Variants in KLF12 observed in about 807,000 individuals in gnomAD.
KLF12 encodes KLF transcription factor 12, also known as Krueppel-like factor 12.
In KLF12, 9 loss-of-function variants were observed where a neutral mutation model predicts 37.8. The observed-to-expected ratio is 0.24, with a 90% CI of 0.14 to 0.42. The LOEUF (loss-of-function observed/expected upper bound fraction) is 0.42, where lower values mean the gene tolerates loss of function less well. Among genes scored for constraint, KLF12 ranks in the 10% least tolerant of loss-of-function variants. The pLI, the probability that KLF12 is intolerant of heterozygous loss-of-function variation, is 1.00. For synonymous variants in KLF12, 208 were observed against 202.1 expected (o/e 1.03, Z -0.25); for missense variants, 411 against 516.0 (o/e 0.80, Z 1.97).
the KLF12 span, among the ~76,000 whole-genome samples, chr13:74,186,845 C>T: frequency 1.2e-3 from 184 of 152,218 alleles, no homozygotes; most frequent in African/African-American, 4.4e-3. Context: ...GAAACTGAGG[C>T]ATGGGAGGTG....
chr13:74,007,348 T>C (rs1892436200), intron 1 of KLF12, among the ~76,000 whole-genome samples: 1 of 151,772 alleles, frequency 6.6e-6, no homozygotes. Context: ...CGATCTCGGC[T>C]CACTGCAAGC....
the KLF12 span, among the ~76,000 whole-genome samples, chr13:74,275,571 CATAA>C: frequency 6.6e-6 from 1 of 152,108 alleles, no homozygotes; most frequent in Non-Finnish European, 1.5e-5. Context: ...ATTTTTCTTG[CATAA>C]ATACAGTATG....
rs961087593 is a variant in KLF12 at position 73,846,312 on chromosome 13, T to C, written c.185A>G (p.Lys62Arg). 1.2e-6 allele frequency: 2 copies of C among 1,613,992 alleles called. No homozygotes were observed. The highest frequency in any genetic ancestry group is 1.7e-6 in the Non-Finnish European group (2 of 1,179,956). ...TAACGAGTCCTCCGGGGGCTCCCCT[T>C]TCACATTATTTAGCAACAGGGGAAC... Residue 62 changes from lysine (K) to arginine (R), a missense_variant, in exon 4 of 8, where the codon AAA (lysine) becomes AGA (arginine). This residue lies in a region of KLF12 where 351 missense variants were observed against 397.8 expected (regional missense o/e 0.88). Coordinates refer to ENST00000377669, the MANE Select transcript of KLF12 (RefSeq NM_007249.5).
the KLF12 span, among the ~76,000 whole-genome samples, chr13:74,185,761 C>A: frequency 1.8e-4 from 28 of 152,118 alleles, no homozygotes; most frequent in Admixed American, 1.7e-3. Flanking sequence ...ATTCTCCTGC[C>A]TCAGCCTCCC....
chr13:74,234,784 C>G, the KLF12 span, among the ~76,000 whole-genome samples: 3 of 151,360 alleles, frequency 2.0e-5, no homozygotes, highest in African/African-American at 7.3e-5. Context: ...TTCCAAATCT[C>G]TTTTGCCTGC....
intron 3 of KLF12, among the ~76,000 whole-genome samples, chr13:73,925,074 T>C (rs1251665041): frequency 6.6e-6 from 1 of 152,210 alleles, no homozygotes; most frequent in Non-Finnish European, 1.5e-5. Flanking sequence ...TGTAACATAA[T>C]AATACAAGAT....
the KLF12 span, among the ~76,000 whole-genome samples, chr13:74,271,303 A>G: frequency 1.3e-5 from 2 of 152,222 alleles, no homozygotes; most frequent in Non-Finnish European, 2.9e-5. Context: ...TGCAATCAAC[A>G]TAAAGCTTAA....
chr13:73,849,376 A>C (rs4601931), intron 3 of KLF12, among the ~76,000 whole-genome samples: 2,202 of 24,270 alleles, frequency 0.091, 358 homozygotes, highest in Non-Finnish European at 0.16. Flanking sequence ...GAGACTCCAT[A>C]AAAAAAAAAA....
At chr13:74,237,406 G>T in the KLF12 span, among the ~76,000 whole-genome samples, 2 of 143,568 alleles carry the variant, frequency 1.4e-5, no homozygotes, top group Non-Finnish European at 3.0e-5. Context: ...TTTGGCTCAG[G>T]ATTGATTTGG....
chr13:73,916,048 C>A (rs1304437038), intron 3 of KLF12, among the ~76,000 whole-genome samples: 1 of 151,986 alleles, frequency 6.6e-6, no homozygotes, highest in African/African-American at 2.4e-5. Flanking sequence ...TCCTCTCATG[C>A]CAAAAACATG....
At chr13:73,800,818 C>T (rs1217179845) in intron 5 of KLF12, 1 of 152,040 alleles carries the variant, frequency 6.6e-6, no homozygotes, top group Non-Finnish European at 1.5e-5. Context: ...AAACTAAACA[C>T]TGGCAGGATT....
intron 6 of KLF12, among the ~76,000 whole-genome samples, chr13:73,739,270 A>ATAG (rs1877778092): frequency 8.4e-6 from 1 of 119,394 alleles, no homozygotes. Flanking sequence ...AATAATAATA[A>ATAG]TAATAAATGT....
At chr13:74,149,998 A>T in the KLF12 span, among the ~76,000 whole-genome samples, 1 of 152,202 alleles carries the variant, frequency 6.6e-6, no homozygotes, top group Non-Finnish European at 1.5e-5. Context: ...CAAAAATAGC[A>T]ATCTCTTTCT....
At chr13:73,929,241 A>T (rs1412872039) in intron 3 of KLF12, among the ~76,000 whole-genome samples, 1 of 152,224 alleles carries the variant, frequency 6.6e-6, no homozygotes, top group Middle Eastern at 3.2e-3. Flanking sequence ...ACTATGACTG[A>T]AATAAACTAA....
intron 4 of KLF12, among the ~76,000 whole-genome samples, chr13:73,829,711 T>G (rs1271917381): frequency 3.3e-5 from 5 of 152,176 alleles, no homozygotes; most frequent in Non-Finnish European, 5.9e-5. Flanking sequence ...ACTGACTGAA[T>G]AGTAATAATA....
chr13:74,118,312 G>C (rs1049696145), intron 1 of KLF12, among the ~76,000 whole-genome samples: 1 of 152,080 alleles, frequency 6.6e-6, no homozygotes, highest in Non-Finnish European at 1.5e-5. Context: ...TAATAAAAGA[G>C]ATATTTCAAA....
intron 6 of KLF12, among the ~76,000 whole-genome samples, chr13:73,727,214 T>G (rs1876729350): frequency 6.6e-6 from 1 of 152,212 alleles, no homozygotes; most frequent in Admixed American, 6.5e-5. Flanking sequence ...GAAGTTCGAT[T>G]TAGTTCACTT....
At chr13:74,187,818 C>T in the KLF12 span, among the ~76,000 whole-genome samples, 2 of 152,260 alleles carry the variant, frequency 1.3e-5, no homozygotes, top group East Asian at 1.9e-4. Flanking sequence ...TGACATGATC[C>T]AAACTCTGAC....
chr13:73,811,760 T>C (rs1566385852), intron 5 of KLF12, among the ~76,000 whole-genome samples: 1 of 152,186 alleles, frequency 6.6e-6, no homozygotes, highest in East Asian at 1.9e-4. Flanking sequence ...CACACTTCAT[T>C]TTAGATCAAT....
Sources: allele counts gnomAD v4.1 joint callset (sites outside exome capture counted in the v4.1 genomes callset), GRCh38; gene constraint gnomAD v4.1.1; regional missense constraint gnomAD v4.1.1; transcripts MANE v1.5; gene names NCBI Gene and HGNC (gene_info 2026-07-23, HGNC 2026-07-21).